IL15: variants seen among roughly 807,000 people sequenced by gnomAD.
The protein encoded by IL15 is interleukin-15.
A neutral mutation model predicts 19.6 loss-of-function variants in IL15; 11 were observed. That is an observed-to-expected ratio of 0.56 (90% confidence interval 0.35 to 0.93). The LOEUF is 0.93. Ranked by LOEUF, IL15 falls within the 40% of genes least tolerant of loss-of-function variation. The pLI is 0.01. For synonymous variants in IL15, 58 were observed against 59.6 expected (o/e 0.97, Z 0.12); for missense variants, 197 against 186.5 (o/e 1.06, Z -0.33).
chr4:141,721,934 G>T lies in IL15; in HGVS notation c.121G>T (p.Ala41Ser), dbSNP rs1389982545. 1 of 1,590,358 alleles carries T rather than the reference G, an allele frequency of 6.3e-7. No individual in the cohort carries two copies. The highest frequency in any genetic ancestry group is 8.6e-7 in the Non-Finnish European group (1 of 1,162,462). ...TGGTTTTTCTTTCAGCTGTTTCAGT[G>T]CAGGGCTTCCTAAAACAGAAGCCAA... The part of the protein sequence containing the change: ...IHVFILGCFS[A>S]GLPKTEANWV... The change falls in exon 5 of 8, where the codon GCA becomes TCA. Residue 41 changes from alanine (A) to serine (S), a missense_variant. Coordinates refer to ENST00000320650, the MANE Select transcript of IL15 (RefSeq NM_000585.5).
chr4:141,654,087 G>A (rs1179083855), intron 1 of IL15, among the ~76,000 whole-genome samples: 1 of 152,196 alleles, frequency 6.6e-6, no homozygotes, highest in South Asian at 2.1e-4. Context: ...ATATACATGC[G>A]AGAGGCTTAC....
intron 2 of IL15, among the ~76,000 whole-genome samples, chr4:141,664,594 T>G (rs917764828): frequency 1.3e-5 from 2 of 152,338 alleles, no homozygotes; most frequent in Admixed American, 6.5e-5. Context: ...GCAAATAGCA[T>G]TTCAGCTCAT....
chr4:141,657,610 T>G (rs1727652744), intron 2 of IL15, among the ~76,000 whole-genome samples: 2 of 152,260 alleles, frequency 1.3e-5, no homozygotes, highest in South Asian at 4.1e-4. Flanking sequence ...TTTTTAAATT[T>G]TTTTATTAAA....
intron 2 of IL15, among the ~76,000 whole-genome samples, chr4:141,688,315 G>C (rs970838851): frequency 6.6e-6 from 1 of 152,120 alleles, no homozygotes; most frequent in Non-Finnish European, 1.5e-5. Flanking sequence ...CTCATTCTTA[G>C]AGACCACTAC....
intron 2 of IL15, among the ~76,000 whole-genome samples, chr4:141,677,585 C>T (rs74508242): frequency 3.9e-5 from 6 of 152,036 alleles, no homozygotes; most frequent in African/African-American, 7.2e-5. Flanking sequence ...AGTGAGGTAC[C>T]AGTTTTCTTG....
chr4:141,690,964 G>T (rs1728889827), intron 2 of IL15, among the ~76,000 whole-genome samples: 1 of 152,034 alleles, frequency 6.6e-6, no homozygotes, highest in Admixed American at 6.5e-5. Flanking sequence ...CCTTTAAGAT[G>T]ATTTATTTTT....
chr4:141,643,224 T>C (rs1727111893), intron 1 of IL15, among the ~76,000 whole-genome samples: 1 of 152,164 alleles, frequency 6.6e-6, no homozygotes, highest in African/African-American at 2.4e-5. Context: ...TTTTTCTCTG[T>C]CTCTTATGGG....
chr4:141,644,225 T>G (rs1236235172), intron 1 of IL15, among the ~76,000 whole-genome samples: 1 of 151,968 alleles, frequency 6.6e-6, no homozygotes, highest in Non-Finnish European at 1.5e-5. Flanking sequence ...GTTCTCAACA[T>G]AGCAGCCACA....
chr4:141,682,936 A>G (rs1254871198), intron 2 of IL15, among the ~76,000 whole-genome samples: 1 of 151,842 alleles, frequency 6.6e-6, no homozygotes, highest in Non-Finnish European at 1.5e-5. Flanking sequence ...TGGGCGACAA[A>G]GCGAGATTCC....
At chr4:141,709,964 C>T (rs1467267333) in intron 2 of IL15, among the ~76,000 whole-genome samples, 1 of 151,226 alleles carries the variant, frequency 6.6e-6, no homozygotes, top group Non-Finnish European at 1.5e-5. Flanking sequence ...TTTCTGTTTA[C>T]CCCAACTTAT....
At chr4:141,636,881 A>AGCTGCCCC (rs1726873460) in intron 1 of IL15, 133 bp downstream of exon 1, 1 of 152,396 alleles carries the variant, frequency 6.6e-6, no homozygotes, top group East Asian at 1.9e-4. Context: ...CTACTGGCCG[A>AGCTGCCCC]GCTGCCCCGC....
chr4:141,705,396 T>C (rs1729479084), intron 2 of IL15, among the ~76,000 whole-genome samples: 2 of 152,022 alleles, frequency 1.3e-5, no homozygotes, highest in Admixed American at 1.3e-4. Context: ...TCTGAAGTTT[T>C]TATTTTAGTA....
At chr4:141,637,406 T>G (rs967049759) in intron 1 of IL15, among the ~76,000 whole-genome samples, 47 of 152,078 alleles carry the variant, frequency 3.1e-4, no homozygotes, top group African/African-American at 1.1e-3. Context: ...CAGTCAGGCC[T>G]GGGTCTGTAT....
intron 1 of IL15, among the ~76,000 whole-genome samples, chr4:141,646,215 C>A (rs974649919): frequency 1.3e-5 from 2 of 151,960 alleles, no homozygotes; most frequent in Non-Finnish European, 2.9e-5. Context: ...ATTCCAAACC[C>A]CACATGGTTC....
intron 2 of IL15, among the ~76,000 whole-genome samples, chr4:141,673,591 C>T (rs958720837): frequency 5.9e-5 from 9 of 152,164 alleles, no homozygotes; most frequent in Admixed American, 2.6e-4. Flanking sequence ...GTTCTCAGAG[C>T]GCTTGGCTAT....
intron 2 of IL15, among the ~76,000 whole-genome samples, chr4:141,673,526 A>C (rs961995272): frequency 2.6e-5 from 4 of 152,128 alleles, no homozygotes; most frequent in African/African-American, 9.7e-5. Context: ...GCTTCTTAAA[A>C]TTTTCTACAG....
At chr4:141,710,356 A>G (rs1053032867) in intron 2 of IL15, among the ~76,000 whole-genome samples, 1 of 152,128 alleles carries the variant, frequency 6.6e-6, no homozygotes, top group Non-Finnish European at 1.5e-5. Context: ...TATCCATTAT[A>G]TTGTTTAGTA....
chr4:141,653,427 A>G (rs1727478218), intron 1 of IL15, among the ~76,000 whole-genome samples: 1 of 152,176 alleles, frequency 6.6e-6, no homozygotes, highest in Non-Finnish European at 1.5e-5. Flanking sequence ...TTAAACTTCA[A>G]AAGTTTCAAA....
chr4:141,705,888 T>C (rs569211324), intron 2 of IL15, among the ~76,000 whole-genome samples: 5 of 152,128 alleles, frequency 3.3e-5, no homozygotes, highest in South Asian at 2.1e-4. Flanking sequence ...GATATAAGTA[T>C]GGCTATTTCT....
Sources: gnomAD v4.1 joint callset for allele counts (sites outside exome capture counted in the v4.1 genomes callset) on GRCh38, gnomAD v4.1.1 for gene constraint, MANE v1.5 for transcripts, NCBI Gene and HGNC (gene_info 2026-07-23, HGNC 2026-07-21) for gene names.